Variants in ROBO2 observed in about 807,000 individuals in gnomAD.
ROBO2 encodes roundabout homolog 2.
ROBO2 carries 53 observed loss-of-function variants against 160.8 expected under a neutral mutation model. The ratio of observed to expected loss-of-function variants is 0.33; its 90% confidence interval spans 0.26 to 0.41. ROBO2 has a LOEUF of 0.41. Ranked by LOEUF, ROBO2 falls within the 10% of genes least tolerant of loss-of-function variation. The pLI, the probability that ROBO2 is intolerant of heterozygous loss-of-function variation, is 1.00. For missense variants in ROBO2, 1,577 were observed against 1,722.4 expected (o/e 0.92, Z 1.49); for synonymous variants, 664 against 611.7 (o/e 1.09, Z -1.26).
At chr3:77,017,655 C>A (rs2062359277) in intron 2 of ROBO2, among the ~76,000 whole-genome samples, 1 of 152,056 alleles carries the variant, frequency 6.6e-6, no homozygotes, top group Admixed American at 6.6e-5. Flanking sequence ...CAGGTAGAAA[C>A]ACAAACTCAT....
At chr3:77,509,811 A>T (rs932606624) in intron 5 of ROBO2, among the ~76,000 whole-genome samples, 1 of 152,212 alleles carries the variant, frequency 6.6e-6, no homozygotes, top group East Asian at 1.9e-4. Flanking sequence ...ACTAGGTTCA[A>T]GTAACTGTAC....
At chr3:77,295,462 A>G (rs1202536203) in intron 2 of ROBO2, among the ~76,000 whole-genome samples, 1 of 144,920 alleles carries the variant, frequency 6.9e-6, no homozygotes, top group Non-Finnish European at 1.5e-5. Context: ...ATAAAGTAAA[A>G]TTGACGGTTA....
intron 2 of ROBO2, among the ~76,000 whole-genome samples, chr3:77,371,515 G>A (rs1009076551): frequency 1.3e-5 from 2 of 152,048 alleles, no homozygotes; most frequent in Non-Finnish European, 2.9e-5. Context: ...TACATACAAG[G>A]GCTATTTTAG....
At chr3:76,263,350 G>T (rs968512566) in intron 2 of ROBO2, among the ~76,000 whole-genome samples, 1 of 151,852 alleles carries the variant, frequency 6.6e-6, no homozygotes, top group Non-Finnish European at 1.5e-5. Context: ...CCTTTGCCTC[G>T]CAAATAGCTG....
intron 2 of ROBO2, among the ~76,000 whole-genome samples, chr3:77,183,732 C>T (rs78529315): frequency 0.038 from 5,710 of 152,122 alleles, 154 homozygotes; most frequent in East Asian, 0.089. Context: ...TTCATCAGTT[C>T]ATTAGCATTG....
intron 5 of ROBO2, among the ~76,000 whole-genome samples, chr3:77,511,507 T>A (rs2089392130): frequency 6.6e-6 from 1 of 152,028 alleles, no homozygotes; most frequent in African/African-American, 2.4e-5. Context: ...TCAACTATTG[T>A]CCTGTTGCGG....
chr3:76,566,593 T>C (rs2084540083), intron 2 of ROBO2, among the ~76,000 whole-genome samples: 1 of 152,164 alleles, frequency 6.6e-6, no homozygotes, highest in South Asian at 2.1e-4. Flanking sequence ...AATTCTATTA[T>C]AAAATAAAAG....
chr3:77,087,501 A>G (rs917725421), intron 1 of ROBO2, among the ~76,000 whole-genome samples: 1 of 152,128 alleles, frequency 6.6e-6, no homozygotes, highest in Admixed American at 6.5e-5. Flanking sequence ...GATGTAGCAA[A>G]TTGATTTGAA....
At chr3:76,698,341 G>A (rs531084316) in intron 2 of ROBO2, among the ~76,000 whole-genome samples, 3 of 152,302 alleles carry the variant, frequency 2.0e-5, no homozygotes, top group East Asian at 1.9e-4. Flanking sequence ...GCTCTGTTCA[G>A]AGAAATGATA....
chr3:76,820,371 A>T (rs570186886), intron 2 of ROBO2, among the ~76,000 whole-genome samples: 1 of 152,048 alleles, frequency 6.6e-6, no homozygotes, highest in Admixed American at 6.6e-5. Context: ...TTTTTTTTTT[A>T]AATATAGAGG....
intron 1 of ROBO2, among the ~76,000 whole-genome samples, chr3:77,084,930 T>A (rs1252022854): frequency 6.6e-6 from 1 of 152,150 alleles, no homozygotes; most frequent in Non-Finnish European, 1.5e-5. Context: ...ACTCAGTATT[T>A]GTGTTGCAGC....
intron 2 of ROBO2, among the ~76,000 whole-genome samples, chr3:76,843,280 A>G (rs929189575): frequency 6.6e-6 from 1 of 151,346 alleles, no homozygotes; most frequent in Non-Finnish European, 1.5e-5. Flanking sequence ...AAATAATTAA[A>G]TATATGTATC....
intron 4 of ROBO2, among the ~76,000 whole-genome samples, chr3:77,488,571 ATGGAGC>A (rs1170268049): frequency 6.6e-6 from 1 of 152,210 alleles, no homozygotes; most frequent in African/African-American, 2.4e-5. Context: ...TCCAAACTCT[ATGGAGC>A]ATTAATAGAT....
At chr3:76,287,453 G>C (rs1708561357) in intron 2 of ROBO2, among the ~76,000 whole-genome samples, 1 of 151,788 alleles carries the variant, frequency 6.6e-6, no homozygotes, top group African/African-American at 2.4e-5. Context: ...CCACCACCAT[G>C]CCCGAATAAT....
chr3:76,442,336 A>G (rs2076961446), intron 2 of ROBO2, among the ~76,000 whole-genome samples: 1 of 152,106 alleles, frequency 6.6e-6, no homozygotes, highest in Non-Finnish European at 1.5e-5. Flanking sequence ...GATGCTCTCA[A>G]GGGTGTGTCC....
chr3:76,749,076 A>G (rs2093937941), intron 2 of ROBO2, among the ~76,000 whole-genome samples: 1 of 151,896 alleles, frequency 6.6e-6, no homozygotes, highest in Non-Finnish European at 1.5e-5. Flanking sequence ...ATGAAAAGAC[A>G]AGATACAAAA....
chr3:76,156,162 G>GT (rs1246141372), intron 2 of ROBO2, among the ~76,000 whole-genome samples: 1 of 151,702 alleles, frequency 6.6e-6, no homozygotes, highest in Non-Finnish European at 1.5e-5. Context: ...TCAGAACATC[G>GT]TAAGTGCTGT....
At position 76,781,331 on chromosome 3, in the gene ROBO2, A is replaced by G. The variant is rs149594462; in HGVS notation, c.110-316683A>G. On this transcript the variant is annotated intron_variant, in intron 2 of 26. Transcript: ENST00000487694. ...TTATGGAGTCTTTAGGGTTTTCTAT[A>G]TATAAGATCAGGTTATATGCAGAAA... 8.1e-4 allele frequency among the ~76,000 whole-genome samples: 122 copies of G among 150,756 alleles called. No individual in the cohort carries two copies. In the Middle Eastern group the frequency reaches 0.014, roughly 17 times the overall value.
chr3:76,761,121 A>G (rs1017496936), intron 2 of ROBO2, among the ~76,000 whole-genome samples: 1 of 151,754 alleles, frequency 6.6e-6, no homozygotes, highest in Non-Finnish European at 1.5e-5. Context: ...GTAATTAATT[A>G]CACCAGATCA....
Sources: allele counts gnomAD v4.1 joint callset (sites outside exome capture counted in the v4.1 genomes callset), GRCh38; gene constraint gnomAD v4.1.1; transcripts MANE v1.5; gene names NCBI Gene and HGNC (gene_info 2026-07-23, HGNC 2026-07-21).